Variants in CNBD1 observed in about 807,000 individuals in gnomAD.
The protein encoded by CNBD1 is cyclic nucleotide-binding domain-containing protein 1.
In CNBD1, 71 loss-of-function variants were observed where a neutral mutation model predicts 54.4. The observed-to-expected ratio is 1.30, with a 90% CI of 1.08 to 1.59. CNBD1 has a LOEUF of 1.59. Ranked by LOEUF, CNBD1 falls within the 40% of genes most tolerant of loss-of-function variation. The pLI is 0.00. For synonymous variants in CNBD1, 182 were observed against 170.7 expected, an observed-to-expected ratio of 1.07 and a Z score of -0.51; for missense variants, 659 against 518.0, an observed-to-expected ratio of 1.27 and a Z score of -2.64.
chr8:87,385,521 T>C (rs943512601), downstream of CNBD1, among the ~76,000 whole-genome samples: 1 of 152,042 alleles, frequency 6.6e-6, no homozygotes, highest in East Asian at 1.9e-4. Context: ...TGCTCATTGC[T>C]AGCACAGCAG....
intron 8 of CNBD1, among the ~76,000 whole-genome samples, chr8:87,317,046 G>A (rs939997007): frequency 6.6e-6 from 1 of 151,716 alleles, no homozygotes; most frequent in Non-Finnish European, 1.5e-5. Context: ...GTAAAATGGG[G>A]ATAATAATGA....
rs539089744 is a variant in CNBD1 at position 87,019,358 on chromosome 8, G to A, written c.431+79604G>A. Among the ~76,000 whole-genome samples the A allele has an allele frequency of 3.9e-5, 6 of 152,220 alleles. No homozygotes were observed. In the South Asian group the frequency reaches 1.2e-3, roughly 32 times the overall value. ...AAGGCCCTCAGCTATAGGAAGTCCTGCCAAGAAAAAAATGACACTGTAGAT... is the reference window on the plus strand; with the variant it reads ...AAGGCCCTCAGCTATAGGAAGTCCTACCAAGAAAAAAATGACACTGTAGAT... On this transcript the variant is annotated intron_variant, in intron 4 of 10. Transcript: ENST00000518476.
rs554175374 is a variant in CNBD1 at position 87,421,214 on chromosome 8, C to A, written c.214-7332C>A. 5.9e-4 allele frequency among the ~76,000 whole-genome samples: 89 copies of A among 151,594 alleles called. 2 individuals are homozygous for A. The South Asian group carries it at 0.018, about 30-fold the overall frequency. On this transcript the variant is annotated intron_variant, in intron 2 of 7. Transcript: ENST00000521593. ...AAGTTACATAATTCACTTAGTATCT[C>A]ATTTTCCTTTTCTTTTTTATTTTTT...
At chr8:87,082,927 T>C (rs1025886254) in intron 4 of CNBD1, among the ~76,000 whole-genome samples, 9 of 152,220 alleles carry the variant, frequency 5.9e-5, no homozygotes, top group Non-Finnish European at 1.0e-4. Flanking sequence ...AGTGGCTACT[T>C]AGAATTGACA....
chr8:86,888,687 C>T (rs1808716226), intron 2 of CNBD1, among the ~76,000 whole-genome samples: 1 of 152,146 alleles, frequency 6.6e-6, no homozygotes, highest in Admixed American at 6.5e-5. Context: ...AAAAGCTCAT[C>T]CAATATTTTA....
intron 8 of CNBD1, among the ~76,000 whole-genome samples, chr8:87,350,489 TTA>T (rs1366762199): frequency 1.3e-5 from 2 of 151,828 alleles, no homozygotes; most frequent in Non-Finnish European, 2.9e-5. Context: ...TGGTGGTAAA[TTA>T]TATTTAACAA....
At chr8:87,361,742 T>C (rs1003694663) in intron 10 of CNBD1, among the ~76,000 whole-genome samples, 8 of 150,376 alleles carry the variant, frequency 5.3e-5, no homozygotes, top group South Asian at 2.1e-4. Flanking sequence ...CTTTGGCTAA[T>C]ATGTCATCCC....
At chr8:87,154,871 A>G (rs549827513) in intron 4 of CNBD1, among the ~76,000 whole-genome samples, 1 of 152,238 alleles carries the variant, frequency 6.6e-6, no homozygotes, top group East Asian at 1.9e-4. Flanking sequence ...AAGGTACTCC[A>G]TTGATGTGGC....
intron 8 of CNBD1, among the ~76,000 whole-genome samples, chr8:87,297,313 A>G (rs575552847): frequency 6.6e-6 from 1 of 152,280 alleles, no homozygotes; most frequent in African/African-American, 2.4e-5. Context: ...TAAGTCTTCA[A>G]AATCCAGTGT....
chr8:87,419,103 A>ATG (rs1807883160), intron 2 of CNBD1, among the ~76,000 whole-genome samples: 2 of 98,794 alleles, frequency 2.0e-5, no homozygotes, highest in South Asian at 4.9e-4. Flanking sequence ...TTATATGTAT[A>ATG]TATATATTCA....
At chr8:87,070,112 T>G (rs1810730730) in intron 4 of CNBD1, among the ~76,000 whole-genome samples, 1 of 152,058 alleles carries the variant, frequency 6.6e-6, no homozygotes, top group South Asian at 2.1e-4. Context: ...TTCTGGACAT[T>G]TGAGCACAGT....
intron 8 of CNBD1, among the ~76,000 whole-genome samples, chr8:87,305,938 C>A (rs1563545334): frequency 6.6e-6 from 1 of 152,088 alleles, no homozygotes; most frequent in Non-Finnish European, 1.5e-5. Flanking sequence ...ATTTGCACAG[C>A]AAAAGGAACA....
At chr8:87,137,085 A>G (rs1201318057) in intron 4 of CNBD1, among the ~76,000 whole-genome samples, 1 of 117,610 alleles carries the variant, frequency 8.5e-6, no homozygotes, top group African/African-American at 3.4e-5. Context: ...TAAATTATAT[A>G]TATTTATATT....
At chr8:87,317,604 G>T (rs1586007598) in intron 8 of CNBD1, among the ~76,000 whole-genome samples, 2 of 151,570 alleles carry the variant, frequency 1.3e-5, no homozygotes, top group Non-Finnish European at 2.9e-5. Context: ...TTTGGCCAAA[G>T]ATCATGTTTT....
intron 8 of CNBD1, among the ~76,000 whole-genome samples, chr8:87,305,488 C>A (rs1392340983): frequency 2.0e-5 from 3 of 152,092 alleles, no homozygotes; most frequent in African/African-American, 7.2e-5. Flanking sequence ...AGGCATCACA[C>A]TACCTGATTT....
intron 4 of CNBD1, among the ~76,000 whole-genome samples, chr8:87,052,859 C>G (rs928309584): frequency 6.6e-6 from 1 of 152,176 alleles, no homozygotes; most frequent in Admixed American, 6.5e-5. Flanking sequence ...CCAGGTCTCC[C>G]TTTATTTGCC....
chr8:87,236,611 C>A (rs1455277338), intron 5 of CNBD1, among the ~76,000 whole-genome samples: 1 of 152,040 alleles, frequency 6.6e-6, no homozygotes, highest in Non-Finnish European at 1.5e-5. Context: ...ATTTTTCTCA[C>A]AATGTCTCAA....
intron 4 of CNBD1, among the ~76,000 whole-genome samples, chr8:87,146,471 CTTAA>C (rs1237000472): frequency 6.6e-6 from 1 of 152,106 alleles, no homozygotes; most frequent in African/African-American, 2.4e-5. Context: ...GTGCTCTCAA[CTTAA>C]TTTATTTTGT....
At chr8:87,357,267 G>T (rs1810438066) in intron 10 of CNBD1, among the ~76,000 whole-genome samples, 2 of 152,072 alleles carry the variant, frequency 1.3e-5, no homozygotes, top group African/African-American at 4.8e-5. Context: ...TGTAAGAAGT[G>T]GGCTGCCACC....
Sources: gnomAD v4.1 joint callset for allele counts (sites outside exome capture counted in the v4.1 genomes callset) on GRCh38, gnomAD v4.1.1 for gene constraint, MANE v1.5 for transcripts, NCBI Gene and HGNC (gene_info 2026-07-23, HGNC 2026-07-21) for gene names.